Variants in TEF observed in about 807,000 individuals in gnomAD.
TEF encodes thyrotroph embryonic factor.
A neutral mutation model predicts 20.8 loss-of-function variants in TEF; 3 were observed. The observed-to-expected ratio is 0.14, with a 90% CI of 0.07 to 0.37. The LOEUF (loss-of-function observed/expected upper bound fraction) is 0.37. TEF is among the 10% of genes least tolerant of loss of function. The pLI is 1.00. For synonymous variants in TEF, 180 were observed against 171.1 expected (o/e 1.05, Z -0.41); for missense variants, 296 against 397.9 (o/e 0.74, Z 2.18).
chr22:41,370,014 G>A lies in TEF; in HGVS notation c.67+2415G>A, dbSNP rs111365563. 4.3e-4 allele frequency: 426 copies of A among 985,446 alleles called. 3 individuals are homozygous for A. In the African/African-American group the frequency reaches 6.1e-3, roughly 14 times the overall value. 61.0% of individuals were successfully genotyped at this position (985,446 alleles called of 1,614,324 possible). On this transcript the variant is annotated intron_variant, in intron 1 of 3. Coordinates refer to the TEF transcript ENST00000406644. Reference sequence around the variant, plus strand: ...GTATCTCACCTCCAGTGGGAGGGAAGTGTACAGGAAAGTCTGCGGAGTGTG... The same window carrying A: ...GTATCTCACCTCCAGTGGGAGGGAAATGTACAGGAAAGTCTGCGGAGTGTG...
chr22:41,393,904 C>A (rs974230186), intron 2 of TEF, among the ~76,000 whole-genome samples, 192 bp from the exon 3 acceptor site: 4 of 151,886 alleles, frequency 2.6e-5, no homozygotes, highest in African/African-American at 4.8e-5. Context: ...GGAAAGAATT[C>A]TTTGAATGTT....
rs942183673 is a variant in TEF, at chr22:41,367,654, G to C, written c.67+55G>C. On this transcript the variant is annotated intron_variant, in intron 1 of 3. Coordinates refer to the TEF transcript ENST00000406644. ...GCTGCCCAGGTACTCGAGGGGGCGA[G>C]GGGGCAGCCACAGGCACAGTGGCAG... The C allele has an allele frequency of 3.9e-6, 6 of 1,522,320 alleles. No homozygotes were observed. In the Admixed American group the frequency reaches 1.2e-4, roughly 30 times the overall value. 94.3% of individuals were successfully genotyped at this position (1,522,320 alleles called of 1,614,324 possible).
chr22:41,367,684 G>A (rs1176736714), intron 1 of TEF: 1 of 1,383,162 alleles, frequency 7.2e-7, no homozygotes, highest in Admixed American at 2.1e-5. Flanking sequence ...TGGCAGGACA[G>A]GCATCTCCAA....
chr22:41,396,117 A>C lies in TEF; in HGVS notation c.*157A>C. 2.2e-5 allele frequency: 17 copies of C among 760,958 alleles called. No individual in the cohort carries two copies. Among genetic ancestry groups the C allele is most frequent in the Middle Eastern group, 4.0e-4 (1 of 2,530 alleles). 47.1% of individuals were successfully genotyped at this position (760,958 alleles called of 1,614,324 possible). A position where few individuals can be genotyped will look rare whatever the true frequency, so the allele number is the denominator to read the frequency against. The stretch of plus-strand genomic sequence containing the variant: ...GGCCACGTCTCAGCTTCATTATACC[A>C]TGGCCTGCGCACGTGGCGACGTCCC... On this transcript the variant is annotated 3_prime_UTR_variant, in exon 4 of 4. Transcript: ENST00000266304.
chr22:41,389,903 C>CT (rs1005681715), intron 2 of TEF, among the ~76,000 whole-genome samples: 203 of 145,274 alleles, frequency 1.4e-3, no homozygotes, highest in Middle Eastern at 3.7e-3. Flanking sequence ...ATGTGCATGT[C>CT]TTTTTTTTTT....
chr22:41,376,572 A>T (rs893605894), intron 1 of TEF, among the ~76,000 whole-genome samples: 1 of 152,244 alleles, frequency 6.6e-6, no homozygotes, highest in Non-Finnish European at 1.5e-5. Context: ...TTTCTGGAAC[A>T]GTCGTGACTA....
chr22:41,385,520 T>C (rs1304888289), intron 1 of TEF, among the ~76,000 whole-genome samples: 7 of 152,170 alleles, frequency 4.6e-5, no homozygotes, highest in Non-Finnish European at 8.8e-5. Context: ...GCTGGGTTGC[T>C]GTGGAGAAGC....
Position 41,396,878 on chromosome 22 carries a change from C to T in TEF, c.*918C>T, listed in dbSNP as rs889655272. ...CCTCTTATCTAGGAGGCTTTAACTT[C>T]CTGGACCCCAGGATTCACCTTCCTA... On this transcript the variant is annotated 3_prime_UTR_variant, in exon 4 of 4. Coordinates refer to ENST00000266304, the MANE Select transcript of TEF (RefSeq NM_003216.4). 39 of 398,384 alleles carry T rather than the reference C, an allele frequency of 9.8e-5. No homozygotes were observed. Among genetic ancestry groups the T allele is most frequent in the Non-Finnish European group, 1.6e-4 (37 of 226,064 alleles). 24.7% of individuals were successfully genotyped at this position (398,384 alleles called of 1,614,324 possible). A position where few individuals can be genotyped will look rare whatever the true frequency, so the allele number is the denominator to read the frequency against.
rs373943477 is a variant in TEF, at chr22:41,367,536, G to C, written c.4G>C (p.Asp2His). Residue 2 changes from aspartate (D) to histidine (H), a missense_variant, in exon 1 of 4, where the codon GAC becomes CAC. Coordinates refer to the TEF transcript ENST00000406644. Reference sequence around the variant, plus strand: ...CTGGTTCTCAGTGGCCCCTGCCATGGACATGCCTGAGGTCCTCAAGTCCCT... The same window carrying C: ...CTGGTTCTCAGTGGCCCCTGCCATGCACATGCCTGAGGTCCTCAAGTCCCT... The C allele has an allele frequency of 3.2e-6, 5 of 1,551,000 alleles. No individual in the cohort carries two copies. The African/African-American group carries it at 6.8e-5, about 21-fold the overall frequency.
intron 1 of TEF, among the ~76,000 whole-genome samples, chr22:41,367,963 G>A (rs1180539451): frequency 6.6e-6 from 1 of 152,178 alleles, no homozygotes; most frequent in East Asian, 1.9e-4. Flanking sequence ...CAGAGGAGCG[G>A]CAGGGACTGT....
At position 41,373,076 on chromosome 22, in the gene TEF, C is replaced by A. The variant is rs112051731; in HGVS notation, c.67+5477C>A. 1.6e-3 allele frequency among the ~76,000 whole-genome samples: 247 copies of A among 152,282 alleles called. 7 individuals carry two copies. The highest frequency in any genetic ancestry group is 5.5e-3 in the African/African-American group (227 of 41,550). ...GCTCTCATCTCCCTGTCTGTAAGGA[C>A]CCTCACACTCACTATTCTTGGGGAA... On this transcript the variant is annotated intron_variant, in intron 1 of 3. Coordinates refer to the TEF transcript ENST00000406644.
upstream of TEF, among the ~76,000 whole-genome samples, chr22:41,381,323 C>A (rs1353155057): frequency 6.6e-6 from 1 of 152,080 alleles, no homozygotes; most frequent in Non-Finnish European, 1.5e-5. Flanking sequence ...CCCGCCACAG[C>A]CCCGCACGTG....
intron 1 of TEF, among the ~76,000 whole-genome samples, chr22:41,371,215 T>C (rs530672979): frequency 4.7e-4 from 71 of 152,342 alleles, no homozygotes; most frequent in African/African-American, 1.7e-3. Flanking sequence ...CCCTCTCCCA[T>C]GGGGCCCTGG....
intron 1 of TEF, among the ~76,000 whole-genome samples, chr22:41,374,562 A>C (rs2036918080): frequency 6.6e-6 from 1 of 151,790 alleles, no homozygotes; most frequent in Non-Finnish European, 1.5e-5. Context: ...AAAAAAAAAA[A>C]AAAATTAGCC....
chr22:41,393,131 A>G (rs1475456555), intron 2 of TEF, among the ~76,000 whole-genome samples: 1 of 151,794 alleles, frequency 6.6e-6, no homozygotes, highest in African/African-American at 2.4e-5. Flanking sequence ...ACTTGAGCCT[A>G]GGAGTTTGAG....
At chr22:41,377,777 A>G (rs2036961698), upstream of TEF, among the ~76,000 whole-genome samples, 1 of 152,224 alleles carries the variant, frequency 6.6e-6, no homozygotes, top group Admixed American at 6.5e-5. Flanking sequence ...TCCAGGGGAA[A>G]AAACTCTCTC....
At chr22:41,387,983 C>CTTTTTTTTTTTTTTTTT (rs530707936) in intron 2 of TEF, among the ~76,000 whole-genome samples, 1 of 50,114 alleles carries the variant, frequency 2.0e-5, no homozygotes, top group Non-Finnish European at 3.5e-5. Flanking sequence ...CAATGCTGCT[C>CTTTTTTTTTTTTTTTTT]TTTTTTTTTT....
At chr22:41,383,435 T>C (rs899134026) in intron 1 of TEF, among the ~76,000 whole-genome samples, 1 of 152,198 alleles carries the variant, frequency 6.6e-6, no homozygotes, top group African/African-American at 2.4e-5. Context: ...TACCAGGTAA[T>C]AACCATCCAT....
upstream of TEF, among the ~76,000 whole-genome samples, chr22:41,377,747 C>G (rs2036961306): frequency 6.6e-6 from 1 of 152,164 alleles, no homozygotes; most frequent in Non-Finnish European, 1.5e-5. Context: ...ATTTGTGACA[C>G]ATCATCTACC....
Sources: gnomAD v4.1 joint callset for allele counts (sites outside exome capture counted in the v4.1 genomes callset) on GRCh38, gnomAD v4.1.1 for gene constraint, MANE v1.5 for transcripts, NCBI Gene and HGNC (gene_info 2026-07-23, HGNC 2026-07-21) for gene names.